Variants in GLIS3 observed in about 807,000 individuals in gnomAD.
The protein encoded by GLIS3 is zinc finger protein GLIS3.
A neutral mutation model predicts 78.6 loss-of-function variants in GLIS3; 53 were observed. The observed-to-expected ratio is 0.67, with a 90% CI of 0.54 to 0.85. The LOEUF is 0.85. GLIS3 is among the 40% of genes least tolerant of loss of function. GLIS3 has a pLI of 0.00. For synonymous variants in GLIS3, 684 were observed against 509.9 expected (o/e 1.34, Z -4.60); for missense variants, 1,703 against 1,231.1 (o/e 1.38, Z -5.74).
At chr9:4,256,337 T>C (rs1288627882) in intron 2 of GLIS3, among the ~76,000 whole-genome samples, 1 of 152,214 alleles carries the variant, frequency 6.6e-6, no homozygotes, top group Non-Finnish European at 1.5e-5. Flanking sequence ...GTTAATGTTT[T>C]AATATTAAGT....
chr9:4,333,928 C>G (rs1817719068), intron 2 of GLIS3, among the ~76,000 whole-genome samples: 1 of 152,280 alleles, frequency 6.6e-6, no homozygotes, highest in East Asian at 1.9e-4. Flanking sequence ...TTCCTTAAAT[C>G]CTACCTGGAA....
chr9:4,371,570 C>T, the GLIS3 span, among the ~76,000 whole-genome samples: 53 of 152,290 alleles, frequency 3.5e-4, no homozygotes, highest in East Asian at 9.1e-3. Context: ...CCTACCACCC[C>T]TAACCCCCAG....
chr9:3,879,340 A>G lies in GLIS3; in HGVS notation c.2297+87T>C, dbSNP rs368297701. The stretch of plus-strand genomic sequence containing the variant: ...AACTCAACCCACCAACGGATTATTA[A>G]TAAAATTCAGCAACTGTCAAGGCAC... On this transcript the variant is annotated intron_variant, in intron 8 of 10. Transcript: ENST00000381971. 27 of 1,324,772 alleles carry G rather than the reference A, an allele frequency of 2.0e-5. No individual in the cohort carries two copies. The African/African-American group carries it at 2.9e-4, about 14-fold the overall frequency. 82.1% of individuals were successfully genotyped at this position (1,324,772 alleles called of 1,614,324 possible). A position where few individuals can be genotyped will look rare whatever the true frequency, so the allele number is the denominator to read the frequency against.
chr9:3,920,129 G>C (rs556172893), intron 6 of GLIS3, among the ~76,000 whole-genome samples: 1 of 150,460 alleles, frequency 6.6e-6, no homozygotes, highest in Non-Finnish European at 1.5e-5. Context: ...TCAGCCTCCT[G>C]AGTAGCTGGG....
chr9:4,012,765 C>CTTTTTTTTTTTT (rs71324278), intron 4 of GLIS3, among the ~76,000 whole-genome samples: 2 of 66,500 alleles, frequency 3.0e-5, no homozygotes, highest in African/African-American at 1.1e-4. Context: ...TTTTCTTTTT[C>CTTTTTTTTTTTT]TTTTTTTTTT....
the GLIS3 span, among the ~76,000 whole-genome samples, chr9:4,355,709 A>C: frequency 6.6e-6 from 1 of 152,186 alleles, no homozygotes; most frequent in African/African-American, 2.4e-5. Context: ...AATGTCATAT[A>C]GTTAATTGAG....
At chr9:4,133,873 CA>C (rs879550139) in intron 2 of GLIS3, among the ~76,000 whole-genome samples, 5,925 of 124,444 alleles carry the variant, frequency 0.048, 228 homozygotes, top group South Asian at 0.079. Flanking sequence ...CACACACACA[CA>C]CCGTACATCT....
chr9:4,153,653 A>G (rs1834846602), intron 2 of GLIS3, among the ~76,000 whole-genome samples: 1 of 152,248 alleles, frequency 6.6e-6, no homozygotes, highest in Non-Finnish European at 1.5e-5. Flanking sequence ...GACCTCAAAT[A>G]TATAGTAAAG....
intron 2 of GLIS3, among the ~76,000 whole-genome samples, chr9:4,204,837 C>A (rs1287259010): frequency 6.6e-6 from 1 of 151,418 alleles, no homozygotes; most frequent in African/African-American, 2.4e-5. Flanking sequence ...TTGCTTGAAC[C>A]CGGAAGGCGG....
chr9:4,165,583 G>C (rs1007939761), intron 2 of GLIS3, among the ~76,000 whole-genome samples: 1 of 152,224 alleles, frequency 6.6e-6, no homozygotes, highest in Non-Finnish European at 1.5e-5. Context: ...GCTACACTCC[G>C]AGTTTCACTG....
the GLIS3 span, among the ~76,000 whole-genome samples, chr9:4,388,534 G>A: frequency 6.6e-6 from 1 of 152,026 alleles, no homozygotes; most frequent in African/African-American, 2.4e-5. Context: ...AAATTAGCCA[G>A]GCGTGGTGGC....
chr9:3,879,987 G>T (rs1588142251), intron 7 of GLIS3, among the ~76,000 whole-genome samples: 1 of 152,106 alleles, frequency 6.6e-6, no homozygotes, highest in South Asian at 2.1e-4. Context: ...ACTGAGAAGG[G>T]CACAGCACAG....
chr9:4,182,949 T>C (rs1817461792), intron 2 of GLIS3, among the ~76,000 whole-genome samples: 1 of 152,204 alleles, frequency 6.6e-6, no homozygotes. Context: ...CCAAAGGACA[T>C]ACAAAAGCTT....
At chr9:4,406,219 G>A in the GLIS3 span, among the ~76,000 whole-genome samples, 1 of 152,148 alleles carries the variant, frequency 6.6e-6, no homozygotes, top group East Asian at 1.9e-4. Flanking sequence ...GGAAGTCCTA[G>A]ATATAGCAAT....
At chr9:4,137,325 G>C (rs970636503) in intron 2 of GLIS3, among the ~76,000 whole-genome samples, 8 of 152,106 alleles carry the variant, frequency 5.3e-5, no homozygotes, top group African/African-American at 9.7e-5. Flanking sequence ...CAGGAGTTCA[G>C]CTTGAATCTT....
In GLIS3 at chr9:4,049,207, G is replaced by C. The variant is rs369343632; in HGVS notation, c.1710+68561C>G. 6.6e-5 allele frequency among the ~76,000 whole-genome samples: 10 copies of C among 151,964 alleles called. No individual in the cohort carries two copies. The East Asian group carries it at 1.4e-3, about 21-fold the overall frequency. On this transcript the variant is annotated intron_variant, in intron 4 of 10. Transcript: ENST00000381971. ...AGTCTAGGATACAGAGAGATTTCCA[G>C]AGCTTCAGCCAGTGTACTGCTTGTC...
the GLIS3 span, among the ~76,000 whole-genome samples, chr9:4,401,091 C>T: frequency 1.1e-3 from 173 of 152,230 alleles, 1 homozygote; most frequent in African/African-American, 2.0e-3. Flanking sequence ...CACAGTAGGA[C>T]GAGCAACAAG....
intron 2 of GLIS3, among the ~76,000 whole-genome samples, chr9:4,283,937 G>C (rs1827772452): frequency 1.3e-5 from 2 of 152,166 alleles, no homozygotes; most frequent in African/African-American, 4.8e-5. Context: ...GAGGAGCACT[G>C]TAAGCTAGGA....
chr9:4,297,036 A>C (rs56795713), intron 1 of GLIS3, among the ~76,000 whole-genome samples: 15,590 of 152,024 alleles, frequency 0.1, 1,004 homozygotes, highest in Admixed American at 0.17. Context: ...CACCTGCTTC[A>C]CACAGAACCA....
Sources: gnomAD v4.1 joint callset for allele counts (sites outside exome capture counted in the v4.1 genomes callset) on GRCh38, gnomAD v4.1.1 for gene constraint, MANE v1.5 for transcripts, NCBI Gene and HGNC (gene_info 2026-07-23, HGNC 2026-07-21) for gene names.